Variants in COX7B2 observed in about 807,000 individuals in gnomAD.
COX7B2 encodes the protein cytochrome c oxidase subunit 7B2, also known as cytochrome c oxidase subunit 7B2, mitochondrial.
For synonymous variants in COX7B2, 37 were observed against 32.1 expected, an observed-to-expected ratio of 1.15 and a Z score of -0.51; for missense variants, 109 against 95.9, an observed-to-expected ratio of 1.14 and a Z score of -0.57.
intron 1 of COX7B2, among the ~76,000 whole-genome samples, chr4:46,859,806 C>A (rs371159599): frequency 1.1e-4 from 16 of 152,250 alleles, no homozygotes; most frequent in African/African-American, 3.9e-4. Flanking sequence ...GTTGCCATGT[C>A]TTTTCTAGAG....
At chr4:46,821,370 T>A (rs572494222) in intron 2 of COX7B2, among the ~76,000 whole-genome samples, 1 of 152,280 alleles carries the variant, frequency 6.6e-6, no homozygotes, top group South Asian at 2.1e-4. Flanking sequence ...TTGCGGCAAA[T>A]CCCAAATAAA....
intron 2 of COX7B2, among the ~76,000 whole-genome samples, chr4:46,762,290 A>ATAT: frequency 1.4e-5 from 1 of 72,756 alleles, no homozygotes; most frequent in South Asian, 6.3e-4. Context: ...AACATATATA[A>ATAT]AATATATATA....
At chr4:46,869,983 CT>C (rs1717886730) in intron 1 of COX7B2, among the ~76,000 whole-genome samples, 1 of 152,056 alleles carries the variant, frequency 6.6e-6, no homozygotes, top group Admixed American at 6.6e-5. Context: ...AGGTTGTTTG[CT>C]TTCTCCTCCT....
At chr4:46,791,527 T>C (rs1718047199) in intron 2 of COX7B2, among the ~76,000 whole-genome samples, 1 of 152,216 alleles carries the variant, frequency 6.6e-6, no homozygotes, top group Non-Finnish European at 1.5e-5. Context: ...TATAGTTAGC[T>C]AGCTAGAACT....
At chr4:46,766,247 C>T (rs1475210142) in intron 2 of COX7B2, among the ~76,000 whole-genome samples, 3 of 152,142 alleles carry the variant, frequency 2.0e-5, no homozygotes, top group South Asian at 2.1e-4. Flanking sequence ...TCAGAATATT[C>T]TTTTATTGTA....
At chr4:46,787,656 C>T (rs953503683) in intron 2 of COX7B2, among the ~76,000 whole-genome samples, 1 of 152,116 alleles carries the variant, frequency 6.6e-6, no homozygotes, top group South Asian at 2.1e-4. Context: ...GAAGAGATAA[C>T]ATTTGAGATG....
chr4:46,885,606 G>C (rs937647444), intron 1 of COX7B2, among the ~76,000 whole-genome samples: 9 of 152,086 alleles, frequency 5.9e-5, no homozygotes, highest in African/African-American at 1.9e-4. Context: ...CAGATGCCAG[G>C]AGAGACATAA....
intron 2 of COX7B2, among the ~76,000 whole-genome samples, chr4:46,747,801 CT>C (rs754210127): frequency 2.3e-4 from 35 of 152,156 alleles, no homozygotes; most frequent in Non-Finnish European, 4.6e-4. Flanking sequence ...CTCCTTCTGG[CT>C]TTTTGCCAAT....
intron 2 of COX7B2, among the ~76,000 whole-genome samples, chr4:46,833,062 T>C (rs1028485429): frequency 6.6e-6 from 1 of 152,078 alleles, no homozygotes; most frequent in Non-Finnish European, 1.5e-5. Context: ...TGTACCACGG[T>C]GCCCGGCTAA....
At chr4:46,855,679 A>G (rs1716967042) in intron 1 of COX7B2, among the ~76,000 whole-genome samples, 1 of 152,172 alleles carries the variant, frequency 6.6e-6, no homozygotes, top group Admixed American at 6.5e-5. Context: ...TTGAACTCAT[A>G]TAATGAAGAG....
At chr4:46,829,864 T>C (rs1418539960) in intron 2 of COX7B2, among the ~76,000 whole-genome samples, 1 of 152,198 alleles carries the variant, frequency 6.6e-6, no homozygotes, top group African/African-American at 2.4e-5. Flanking sequence ...TTTTGAACTT[T>C]ATTACATATA....
chr4:46,739,343 C>A (rs13111436), intron 2 of COX7B2, among the ~76,000 whole-genome samples: 32,313 of 151,220 alleles, frequency 0.21, 3,849 homozygotes, highest in Middle Eastern at 0.28. Context: ...CCAAACCAAA[C>A]CAAAACAAAA....
chr4:46,798,884 A>G (rs1374732633), intron 2 of COX7B2, among the ~76,000 whole-genome samples: 1 of 152,158 alleles, frequency 6.6e-6, no homozygotes, highest in Non-Finnish European at 1.5e-5. Context: ...CTCTTAGTCT[A>G]CACCAGTGGC....
chr4:46,899,362 T>C (rs1429220810), intron 1 of COX7B2, among the ~76,000 whole-genome samples: 2 of 152,176 alleles, frequency 1.3e-5, no homozygotes, highest in East Asian at 3.8e-4. Flanking sequence ...ATGAGTTAAG[T>C]AAGGCAAGCA....
At chr4:46,898,737 C>G (rs1423012278) in intron 1 of COX7B2, among the ~76,000 whole-genome samples, 3 of 152,090 alleles carry the variant, frequency 2.0e-5, no homozygotes, top group Non-Finnish European at 2.9e-5. Context: ...CTCAATTTAC[C>G]ATTGATAAAT....
intron 2 of COX7B2, among the ~76,000 whole-genome samples, chr4:46,736,158 C>A (rs1246837325): frequency 6.6e-6 from 1 of 152,148 alleles, no homozygotes; most frequent in Admixed American, 6.5e-5. Flanking sequence ...CTAAAAAGCC[C>A]TCTGTGCTCT....
chr4:46,794,480 C>T (rs937810936), intron 2 of COX7B2, among the ~76,000 whole-genome samples: 5 of 152,230 alleles, frequency 3.3e-5, no homozygotes, highest in Non-Finnish European at 2.9e-5. Context: ...AAGACCTACT[C>T]ACCCATACTG....
intron 2 of COX7B2, among the ~76,000 whole-genome samples, chr4:46,835,292 T>C (rs551267030): frequency 6.6e-6 from 1 of 152,286 alleles, no homozygotes; most frequent in Admixed American, 6.5e-5. Context: ...CACAAGGCTA[T>C]ATGTTGCAAC....
At chr4:46,750,226 AC>A (rs1715274437) in intron 2 of COX7B2, among the ~76,000 whole-genome samples, 1 of 151,068 alleles carries the variant, frequency 6.6e-6, no homozygotes, top group South Asian at 2.1e-4. Context: ...ACACACACAC[AC>A]ACACACACAC....
Sources: allele counts gnomAD v4.1 joint callset (sites outside exome capture counted in the v4.1 genomes callset), GRCh38; gene constraint gnomAD v4.1.1; transcripts MANE v1.5; gene names NCBI Gene and HGNC (gene_info 2026-07-23, HGNC 2026-07-21).